The following HMCN1 variants were observed in gnomAD, a reference collection of about 807,000 sequenced individuals.
HMCN1 encodes hemicentin-1.
A neutral mutation model predicts 625.9 loss-of-function variants in HMCN1; 321 were observed. That is an observed-to-expected ratio of 0.51 (90% CI 0.47 to 0.56). The LOEUF (loss-of-function observed/expected upper bound fraction) is 0.56. HMCN1 is among the 20% of genes least tolerant of loss of function. The pLI, the probability that HMCN1 is intolerant of heterozygous loss-of-function variation, is 0.00. For missense variants in HMCN1, 6,588 were observed against 6,887.3 expected (o/e 0.96, Z 1.54); for synonymous variants, 2,425 against 2,417.6 (o/e 1.00, Z -0.09).
chr1:185,812,758 A>G lies in HMCN1; in HGVS notation c.269-33268A>G, dbSNP rs1243366385. ...GCTTTCTGGTTCTTAAATTATCTCA[A>G]TATTGACACTTTCTTGGAATATACA... On this transcript the variant is annotated intron_variant, in intron 1 of 106. Coordinates refer to ENST00000271588, the MANE Select transcript of HMCN1 (RefSeq NM_031935.3). Among the ~76,000 whole-genome samples, 2 of 152,090 alleles carry G rather than the reference A, an allele frequency of 1.3e-5. 1 individual carries two copies. Among genetic ancestry groups the G allele is most frequent in the Admixed American group, 1.3e-4 (2 of 15,258 alleles).
chr1:185,866,506 G>A (rs531199820), intron 4 of HMCN1, among the ~76,000 whole-genome samples: 385 of 146,708 alleles, frequency 2.6e-3, no homozygotes, highest in Non-Finnish European at 3.1e-3. Context: ...CTGGGTTCAC[G>A]CCATTCTCCT....
At chr1:185,993,516 A>G (rs1652579220) in intron 23 of HMCN1, 1 of 524,646 alleles carries the variant, frequency 1.9e-6, no homozygotes, top group African/African-American at 1.9e-5. Context: ...TTCTTCCTTT[A>G]TCAAATAAAC....
intron 16 of HMCN1, among the ~76,000 whole-genome samples, chr1:185,979,254 G>A (rs1437248378): frequency 4.6e-5 from 7 of 152,090 alleles, no homozygotes; most frequent in African/African-American, 1.7e-4. Flanking sequence ...CTAGAAGTTA[G>A]AGAGCCCCAT....
At chr1:186,136,595 G>A (rs1030467593) in intron 86 of HMCN1, 73 bp from the exon 87 acceptor site, 72 of 1,361,172 alleles carry the variant, frequency 5.3e-5, no homozygotes, top group Middle Eastern at 2.0e-4. Flanking sequence ...AAATAATGTC[G>A]CCATATAATA....
chr1:185,892,216 A>T lies in HMCN1; in HGVS notation c.622-17121A>T, dbSNP rs926745572. ...TTATTCTAGTTATACATTCTTCTAA[A>T]TTTTTTTTAAAGTTTTCAACTTCTT... On this transcript the variant is annotated intron_variant, in intron 4 of 106. Transcript: ENST00000271588. 6.1e-5 allele frequency among the ~76,000 whole-genome samples: 9 copies of T among 148,640 alleles called. No homozygotes were observed. The South Asian group carries it at 6.3e-4, about 10-fold the overall frequency.
At chr1:185,877,640 C>T (rs1664041424) in intron 4 of HMCN1, among the ~76,000 whole-genome samples, 2 of 151,904 alleles carry the variant, frequency 1.3e-5, no homozygotes. Context: ...TAATTTCTTT[C>T]ATCAGTGTTT....
At chr1:186,169,392 T>G (rs1652080587) in intron 100 of HMCN1, among the ~76,000 whole-genome samples, 1 of 152,186 alleles carries the variant, frequency 6.6e-6, no homozygotes, top group African/African-American at 2.4e-5. Flanking sequence ...AAGACAATCC[T>G]AAGCAAAAAG....
chr1:186,001,752 C>G lies in HMCN1; in HGVS notation c.4348+11C>G, dbSNP rs755881880. ...ACATTGATGTGCTAGGTAAGAAATACATCCTTTTAAAAAACTACAATTCAG... is the reference window on the plus strand; with the variant it reads ...ACATTGATGTGCTAGGTAAGAAATAGATCCTTTTAAAAAACTACAATTCAG... On this transcript the variant is annotated intron_variant, in intron 28 of 106. Coordinates refer to ENST00000271588, the MANE Select transcript of HMCN1 (RefSeq NM_031935.3). 1.2e-6 allele frequency: 2 copies of G among 1,607,000 alleles called. No individual in the cohort carries two copies. The highest frequency in any genetic ancestry group is 4.5e-5 in the East Asian group (2 of 44,748).
At chr1:185,902,437 ATCT>A (rs1489748130) in intron 4 of HMCN1, among the ~76,000 whole-genome samples, 1 of 143,882 alleles carries the variant, frequency 7.0e-6, no homozygotes, top group Non-Finnish European at 1.5e-5. Context: ...CTATCTATCT[ATCT>A]ATCTATCTAT....
chr1:186,174,234 T>A (rs1652421220), intron 102 of HMCN1, among the ~76,000 whole-genome samples: 1 of 151,916 alleles, frequency 6.6e-6, no homozygotes, highest in African/African-American at 2.4e-5. Context: ...ATAAATAAGA[T>A]GGCAAAAGGA....
At chr1:185,903,222 A>AT (rs1260633601) in intron 4 of HMCN1, among the ~76,000 whole-genome samples, 30 of 151,632 alleles carry the variant, frequency 2.0e-4, no homozygotes, top group East Asian at 1.2e-3. Flanking sequence ...GTGTGCTTTT[A>AT]TTTTTTTCGG....
intron 93 of HMCN1, 95 bp downstream of exon 93, chr1:186,146,018 A>C: frequency 8.4e-7 from 1 of 1,194,644 alleles, no homozygotes; most frequent in Non-Finnish European, 1.2e-6. Flanking sequence ...CAACCCTGAG[A>C]GGTGGAATTA....
intron 4 of HMCN1, among the ~76,000 whole-genome samples, chr1:185,882,352 T>G (rs1035588757): frequency 1.4e-4 from 21 of 145,058 alleles, no homozygotes; most frequent in African/African-American, 4.2e-4. Context: ...AAATGAATGT[T>G]TTTTTTTTTT....
intron 4 of HMCN1, among the ~76,000 whole-genome samples, chr1:185,899,039 TC>T (rs1322091458): frequency 2.0e-5 from 3 of 152,072 alleles, no homozygotes; most frequent in African/African-American, 7.2e-5. Flanking sequence ...GTGGACCCCT[TC>T]CAAGTCTCTA....
At chr1:185,999,320 G>A (rs1653017049) in intron 25 of HMCN1, among the ~76,000 whole-genome samples, 1 of 151,838 alleles carries the variant, frequency 6.6e-6, no homozygotes. Context: ...TAAATACATT[G>A]TTAGTATAGA....
intron 1 of HMCN1, among the ~76,000 whole-genome samples, chr1:185,770,226 CT>C (rs1163682873): frequency 6.6e-6 from 1 of 152,104 alleles, no homozygotes; most frequent in East Asian, 1.9e-4. Flanking sequence ...TTGAAAGGAG[CT>C]GTGTTTGTGA....
Position 186,177,464 on chromosome 1 carries a change from G to A in HMCN1, c.15944-952G>A, listed in dbSNP as rs79524857. ...GGCTGTTGGAGCAAAGGTAGGCAGAGGGTAAGGAGGATGAAGAGCCCATAA... is the reference window on the plus strand; with the variant it reads ...GGCTGTTGGAGCAAAGGTAGGCAGAAGGTAAGGAGGATGAAGAGCCCATAA... On this transcript the variant is annotated intron_variant, in intron 103 of 106. Transcript: ENST00000271588. Among the ~76,000 whole-genome samples, 493 of 152,210 alleles carry A rather than the reference G, an allele frequency of 3.2e-3. 3 individuals are homozygous for A. The East Asian group carries it at 0.052, about 16-fold the overall frequency.
chr1:186,159,877 A>G (rs1267601115), intron 97 of HMCN1, among the ~76,000 whole-genome samples: 2 of 152,152 alleles, frequency 1.3e-5, no homozygotes, highest in African/African-American at 2.4e-5. Context: ...TTGGTCTAAA[A>G]TGCTCTTTTT....
At chr1:186,151,437 A>G (rs1402268860) in intron 94 of HMCN1, 88 bp downstream of exon 94, 4 of 1,351,906 alleles carry the variant, frequency 3.0e-6, no homozygotes, top group Middle Eastern at 2.2e-4. Context: ...GAATGCTACT[A>G]CTAACTCATA....
Sources: allele counts gnomAD v4.1 joint callset (sites outside exome capture counted in the v4.1 genomes callset), GRCh38; gene constraint gnomAD v4.1.1; transcripts MANE v1.5; gene names NCBI Gene and HGNC (gene_info 2026-07-23, HGNC 2026-07-21).